Variants in CSMD1 observed in about 807,000 individuals in gnomAD.
CSMD1 encodes the protein CUB and sushi domain-containing protein 1.
A neutral mutation model predicts 417.5 loss-of-function variants in CSMD1; 213 were observed. The ratio of observed to expected loss-of-function variants is 0.51; its 90% CI spans 0.46 to 0.57. CSMD1 has a LOEUF of 0.57. Among genes scored for constraint, CSMD1 ranks in the 20% least tolerant of loss-of-function variants. The probability of loss-of-function intolerance (pLI) is 0.00; values close to 1 mark genes in which losing one functional copy is unlikely to be tolerated. For missense variants in CSMD1, 6,923 were observed against 4,529.7 expected (o/e 1.53, Z -15.17); for synonymous variants, 2,862 against 1,736.8 (o/e 1.65, Z -16.11).
At chr8:3,876,499 G>GTAAGTGTT (rs1486452128) in intron 5 of CSMD1, among the ~76,000 whole-genome samples, 1 of 152,146 alleles carries the variant, frequency 6.6e-6, no homozygotes, top group African/African-American at 2.4e-5. Context: ...ATGTAAGTGT[G>GTAAGTGTT]TAAGTGTGGA....
At chr8:4,585,079 C>A (rs1799631332) in intron 2 of CSMD1, among the ~76,000 whole-genome samples, 1 of 143,202 alleles carries the variant, frequency 7.0e-6, no homozygotes, top group Admixed American at 7.0e-5. Flanking sequence ...GGAGAAAAGA[C>A]CAAGTGATCA....
intron 1 of CSMD1, among the ~76,000 whole-genome samples, chr8:4,918,267 CT>C (rs1284026007): frequency 1.3e-5 from 2 of 152,178 alleles, no homozygotes; most frequent in African/African-American, 4.8e-5. Context: ...AGCATGTGAG[CT>C]TTCTGGGACA....
chr8:3,875,610 G>C lies in CSMD1; in HGVS notation c.819-121568C>G, dbSNP rs187838581. 1.2e-4 allele frequency among the ~76,000 whole-genome samples: 18 copies of C among 152,280 alleles called. 1 individual carries two copies. In the East Asian group the frequency reaches 3.1e-3, roughly 26 times the overall value. On this transcript the variant is annotated intron_variant, in intron 5 of 69. Coordinates refer to ENST00000635120, the MANE Select transcript of CSMD1 (RefSeq NM_033225.6). Reference sequence around the variant, plus strand: ...GAGTCCCATTGTGAGAGGAGGAAGAGGAGGAGGACCAGAGTTTCCTCACAG... The same window carrying C: ...GAGTCCCATTGTGAGAGGAGGAAGACGAGGAGGACCAGAGTTTCCTCACAG...
intron 3 of CSMD1, among the ~76,000 whole-genome samples, chr8:4,394,595 G>C (rs990660309): frequency 6.6e-6 from 1 of 152,110 alleles, no homozygotes. Context: ...GCCCCCAGTA[G>C]CTGCAGGAAG....
chr8:4,158,537 C>G (rs890135273), intron 3 of CSMD1, among the ~76,000 whole-genome samples: 1 of 152,154 alleles, frequency 6.6e-6, no homozygotes, highest in Non-Finnish European at 1.5e-5. Context: ...AATATTAACA[C>G]AGCCGCTAGG....
At chr8:3,071,366 G>C (rs1813311939) in intron 49 of CSMD1, among the ~76,000 whole-genome samples, 1 of 152,198 alleles carries the variant, frequency 6.6e-6, no homozygotes, top group African/African-American at 2.4e-5. Flanking sequence ...TGGGGAGCAA[G>C]AGGAGGGAGA....
At chr8:3,035,291 T>C (rs1465233110) in intron 50 of CSMD1, among the ~76,000 whole-genome samples, 2 of 152,128 alleles carry the variant, frequency 1.3e-5, no homozygotes, top group African/African-American at 2.4e-5. Flanking sequence ...ACATTGTGTA[T>C]GTAATTGTAT....
At chr8:3,363,245 C>T (rs1809317510) in intron 20 of CSMD1, among the ~76,000 whole-genome samples, 1 of 152,176 alleles carries the variant, frequency 6.6e-6, no homozygotes, top group Admixed American at 6.5e-5. Context: ...AGCGTACTCT[C>T]CTCTGTCCCA....
intron 30 of CSMD1, among the ~76,000 whole-genome samples, chr8:3,209,463 C>A (rs1298767636): frequency 1.3e-5 from 2 of 151,976 alleles, no homozygotes; most frequent in African/African-American, 2.4e-5. Flanking sequence ...ACTACAGGCA[C>A]CTGCCACCAT....
intron 3 of CSMD1, among the ~76,000 whole-genome samples, chr8:4,308,585 C>T (rs1378489461): frequency 2.0e-5 from 3 of 152,154 alleles, no homozygotes; most frequent in Non-Finnish European, 2.9e-5. Context: ...ACAGGAAATG[C>T]TCCTTAGAAT....
At chr8:3,031,856 C>A (rs1414472235) in intron 50 of CSMD1, among the ~76,000 whole-genome samples, 5 of 117,486 alleles carry the variant, frequency 4.3e-5, no homozygotes, top group Non-Finnish European at 9.4e-5. Flanking sequence ...ATTATTTGCT[C>A]ACATCTCTCT....
chr8:4,537,274 T>C (rs1419521984), intron 2 of CSMD1, among the ~76,000 whole-genome samples: 1 of 152,162 alleles, frequency 6.6e-6, no homozygotes, highest in Non-Finnish European at 1.5e-5. Flanking sequence ...AAATAAATTA[T>C]CCATCTGGTA....
intron 20 of CSMD1, among the ~76,000 whole-genome samples, chr8:3,365,861 C>G (rs970667744): frequency 6.6e-6 from 1 of 152,200 alleles, no homozygotes; most frequent in Non-Finnish European, 1.5e-5. Flanking sequence ...AGTGGAACAT[C>G]ATCTTACTTA....
chr8:3,444,216 G>C (rs1418194442), intron 12 of CSMD1, among the ~76,000 whole-genome samples: 1 of 152,044 alleles, frequency 6.6e-6, no homozygotes, highest in Non-Finnish European at 1.5e-5. Context: ...AAGAATCACT[G>C]GGCTGGATGA....
intron 5 of CSMD1, among the ~76,000 whole-genome samples, chr8:3,922,922 T>C (rs955455132): frequency 7.2e-5 from 11 of 152,188 alleles, no homozygotes; most frequent in South Asian, 2.1e-4. Flanking sequence ...CAAATAATGG[T>C]CAACAAATAC....
At chr8:3,628,427 T>C (rs1796601455) in intron 7 of CSMD1, among the ~76,000 whole-genome samples, 1 of 152,230 alleles carries the variant, frequency 6.6e-6, no homozygotes, top group Non-Finnish European at 1.5e-5. Flanking sequence ...GGGCAAGGCT[T>C]CCATTAACCG....
intron 3 of CSMD1, among the ~76,000 whole-genome samples, chr8:4,381,291 G>A (rs1171121742): frequency 6.6e-6 from 1 of 152,122 alleles, no homozygotes; most frequent in Non-Finnish European, 1.5e-5. Flanking sequence ...CAGAGGTTGG[G>A]GAAACCACTG....
chr8:3,125,421 T>C (rs1256892432), intron 41 of CSMD1, among the ~76,000 whole-genome samples: 3 of 152,186 alleles, frequency 2.0e-5, no homozygotes. Flanking sequence ...CCCTCATAAA[T>C]GGGTTGTAAA....
chr8:4,108,309 C>G (rs1801676551), intron 3 of CSMD1, among the ~76,000 whole-genome samples: 1 of 152,110 alleles, frequency 6.6e-6, no homozygotes, highest in Non-Finnish European at 1.5e-5. Context: ...ACTCATATGA[C>G]AATTGTAAAA....
Sources: allele counts gnomAD v4.1 joint callset (sites outside exome capture counted in the v4.1 genomes callset), GRCh38; gene constraint gnomAD v4.1.1; transcripts MANE v1.5; gene names NCBI Gene and HGNC (gene_info 2026-07-23, HGNC 2026-07-21).